The following CNNM2 variants were observed in gnomAD, a reference collection of about 807,000 sequenced individuals.
The protein encoded by CNNM2 is cyclin and CBS domain divalent metal cation transport mediator 2, also known as metal transporter CNNM2.
CNNM2 carries 12 observed loss-of-function variants against 66.9 expected under a neutral mutation model. The observed-to-expected ratio is 0.18, with a 90% CI of 0.11 to 0.29. The LOEUF is 0.29. Ranked by LOEUF, CNNM2 falls within the 10% of genes least tolerant of loss-of-function variation. The pLI is 1.00. For synonymous variants in CNNM2, 557 were observed against 501.8 expected, an observed-to-expected ratio of 1.11 and a Z score of -1.47; for missense variants, 705 against 1,167.7, an observed-to-expected ratio of 0.60 and a Z score of 5.77.
chr10:103,063,908 C>T (rs2065432557), intron 4 of CNNM2, among the ~76,000 whole-genome samples: 1 of 152,188 alleles, frequency 6.6e-6, no homozygotes, highest in African/African-American at 2.4e-5. Context: ...TAAGCCATCT[C>T]CTCCTGTGCC....
rs1324661814 is a variant in CNNM2, at chr10:102,947,117, C to T, written c.1621+27016C>T. On this transcript the variant is annotated intron_variant, in intron 1 of 7. Coordinates refer to ENST00000369878, the MANE Select transcript of CNNM2 (RefSeq NM_017649.5). Reference sequence around the variant, plus strand: ...AACTAGTTTATAGTTACTAACCCCACTGCCATAAATTCTCCAGTCATATGT... The same window carrying T: ...AACTAGTTTATAGTTACTAACCCCATTGCCATAAATTCTCCAGTCATATGT... Among the ~76,000 whole-genome samples, 4 of 152,256 alleles carry T rather than the reference C, an allele frequency of 2.6e-5. No individual in the cohort carries two copies. The East Asian group carries it at 7.7e-4, about 29-fold the overall frequency.
At chr10:102,939,642 T>C (rs1173679569) in intron 1 of CNNM2, among the ~76,000 whole-genome samples, 1 of 152,168 alleles carries the variant, frequency 6.6e-6, no homozygotes, top group African/African-American at 2.4e-5. Context: ...GAAGACTTTC[T>C]TTGACTCATC....
At chr10:103,069,784 A>G (rs2065544236) in intron 5 of CNNM2, among the ~76,000 whole-genome samples, 1 of 152,248 alleles carries the variant, frequency 6.6e-6, no homozygotes, top group African/African-American at 2.4e-5. Flanking sequence ...AGGTCGACAG[A>G]GATGCTGGGG....
rs999274041 is a variant in CNNM2, at chr10:103,080,042, T to C, written c.*2862T>C. ...GGTCCGGCAGAGAAAGACCGTGGAA[T>C]AGCTGCGGTCTCGATGTGGCTGCTC... On this transcript the variant is annotated 3_prime_UTR_variant, in exon 8 of 8. Transcript: ENST00000369878. 1 of 152,228 alleles carries C rather than the reference T, an allele frequency of 6.6e-6. No homozygotes were observed. The highest frequency in any genetic ancestry group is 1.5e-5 in the Non-Finnish European group (1 of 68,058). The allele number at this position is 152,228 out of a possible 1,614,324, so 9.4% of individuals were successfully genotyped here.
intron 1 of CNNM2, among the ~76,000 whole-genome samples, chr10:102,923,231 A>G (rs1250034926): frequency 6.6e-6 from 1 of 151,668 alleles, no homozygotes; most frequent in African/African-American, 2.4e-5. Flanking sequence ...TCTTGGCTTT[A>G]TTTGAGACAG....
chr10:103,055,917 A>G (rs1031272189), intron 3 of CNNM2, among the ~76,000 whole-genome samples: 22 of 152,062 alleles, frequency 1.4e-4, no homozygotes, highest in African/African-American at 4.1e-4. Context: ...ATGAAACTCT[A>G]TCTCCACTAA....
chr10:102,927,267 A>G (rs1845902293), intron 1 of CNNM2: 2 of 1,594,114 alleles, frequency 1.3e-6, no homozygotes, highest in Admixed American at 1.7e-5. Context: ...ATTAAACTCA[A>G]ACATGTGGAA....
intron 1 of CNNM2, among the ~76,000 whole-genome samples, chr10:102,955,323 A>T (rs1045502606): frequency 6.6e-6 from 1 of 152,218 alleles, no homozygotes; most frequent in Non-Finnish European, 1.5e-5. Flanking sequence ...CTGGCTAGCC[A>T]TATGTAGAAA....
chr10:103,005,552 G>A (rs527373366), intron 1 of CNNM2, among the ~76,000 whole-genome samples: 1 of 152,194 alleles, frequency 6.6e-6, no homozygotes, highest in South Asian at 2.1e-4. Flanking sequence ...AGGAGGCTGA[G>A]GCAGGAGAAC....
intron 1 of CNNM2, among the ~76,000 whole-genome samples, chr10:103,026,869 G>T (rs2064718543): frequency 6.6e-6 from 1 of 152,148 alleles, no homozygotes; most frequent in Non-Finnish European, 1.5e-5. Flanking sequence ...TCGACTTCCA[G>T]TTCCTTGACA....
chr10:102,936,201 T>C (rs577390469), intron 1 of CNNM2, among the ~76,000 whole-genome samples: 2 of 152,128 alleles, frequency 1.3e-5, no homozygotes, highest in South Asian at 4.1e-4. Context: ...CGGAGTGGCG[T>C]TTGGGTTTAG....
At chr10:103,057,823 C>T (rs188918000) in intron 4 of CNNM2, among the ~76,000 whole-genome samples, 15 of 152,310 alleles carry the variant, frequency 9.8e-5, no homozygotes, top group African/African-American at 3.6e-4. Flanking sequence ...TAGCTAATTC[C>T]TTCTCACTGT....
chr10:102,994,096 C>T (rs370222858), intron 1 of CNNM2, among the ~76,000 whole-genome samples: 67 of 152,178 alleles, frequency 4.4e-4, no homozygotes, highest in African/African-American at 1.4e-3. Flanking sequence ...GCCACCACGC[C>T]GAGCTAATTT....
chr10:103,054,590 GTGTTTTGTTTTTTTTGTTTTTTTGTTT>G lies in CNNM2; in HGVS notation c.1903+139_1903+165del. On this transcript the variant is annotated intron_variant, in intron 3 of 7. Coordinates refer to ENST00000369878, the MANE Select transcript of CNNM2 (RefSeq NM_017649.5). This position sits in a 1 kb window ranked among gnomAD's most constrained non-coding sequence, Gnocchi z 5.2. Reference sequence around the variant, plus strand: ...TGGGGTGATAAGTAATGCCACTTTTGTGTTTTGTTTTTTTTGTTTTTTTGTTTTGTTTTGTTTTTTTCTTTTTAAATT... The same window carrying G: ...TGGGGTGATAAGTAATGCCACTTTTGTGTTTTGTTTTTTTCTTTTTAAATT... 3 of 1,012,886 alleles carry G rather than the reference GTGTTTTGTTTTTTTTGTTTTTTTGTTT, an allele frequency of 3.0e-6. No homozygotes were observed. Among genetic ancestry groups the G allele is most frequent in the East Asian group, 5.1e-5 (2 of 39,510 alleles). 62.7% of individuals were successfully genotyped at this position (1,012,886 alleles called of 1,614,324 possible).
chr10:103,039,423 G>C (rs1400044071), intron 1 of CNNM2, among the ~76,000 whole-genome samples: 1 of 152,056 alleles, frequency 6.6e-6, no homozygotes, highest in Non-Finnish European at 1.5e-5. Flanking sequence ...AGGTGTGACC[G>C]ATTGCGCCTG....
intron 1 of CNNM2, among the ~76,000 whole-genome samples, chr10:102,929,705 C>T (rs1269012299): frequency 6.6e-6 from 1 of 152,124 alleles, no homozygotes; most frequent in Non-Finnish European, 1.5e-5. Context: ...TTTATCCGCT[C>T]ATCCGTTGAT....
chr10:102,966,249 T>A (rs1376112788), intron 1 of CNNM2, among the ~76,000 whole-genome samples: 1 of 152,202 alleles, frequency 6.6e-6, no homozygotes, highest in African/African-American at 2.4e-5. Context: ...ATTTAGATAA[T>A]GGTTTGATGG....
chr10:102,931,637 G>A (rs573585660), intron 1 of CNNM2, among the ~76,000 whole-genome samples: 6 of 152,078 alleles, frequency 3.9e-5, no homozygotes, highest in Admixed American at 1.3e-4. Flanking sequence ...GATTCCAGGC[G>A]TGAGTCACAG....
In CNNM2 at chr10:103,088,851, C is replaced by T. The variant is rs1311612144; in HGVS notation, c.*11671C>T. On this transcript the variant is annotated 3_prime_UTR_variant, in exon 8 of 8. Coordinates refer to ENST00000369878, the MANE Select transcript of CNNM2 (RefSeq NM_017649.5). ...ATCTGGAATTGGGTAGCATGAGCCA[C>T]AGCTATATAGCCCACACTAATGCAT... The T allele has an allele frequency of 1.0e-5, 2 of 199,776 alleles. No homozygotes were observed. The highest frequency in any genetic ancestry group is 6.0e-5 in the Admixed American group (1 of 16,592). 12.4% of individuals were successfully genotyped at this position (199,776 alleles called of 1,614,324 possible).
Sources: gnomAD v4.1 joint callset for allele counts (sites outside exome capture counted in the v4.1 genomes callset) on GRCh38, gnomAD v4.1.1 for gene constraint, Gnocchi (gnomAD v3.1) non-coding constraint, MANE v1.5 for transcripts, NCBI Gene and HGNC (gene_info 2026-07-23, HGNC 2026-07-21) for gene names.